The following MINDY1 variants were observed in gnomAD, a reference collection of about 807,000 sequenced individuals.
The protein encoded by MINDY1 is MINDY lysine 48 deubiquitinase 1, also known as ubiquitin carboxyl-terminal hydrolase MINDY-1.
MINDY1 carries 50 observed loss-of-function variants against 53.6 expected under a neutral mutation model. The observed-to-expected ratio is 0.93, with a 90% confidence interval of 0.74 to 1.18. MINDY1 has a LOEUF of 1.18. MINDY1 is among the 50% of genes most tolerant of loss of function. MINDY1 has a pLI of 0.00. For synonymous variants in MINDY1, 231 were observed against 234.7 expected, an observed-to-expected ratio of 0.98 and a Z score of 0.14; for missense variants, 484 against 578.6, an observed-to-expected ratio of 0.84 and a Z score of 1.68.
chr1:151,000,326 C>T, intron 5 of MINDY1, 131 bp downstream of exon 5: 1 of 915,610 alleles, frequency 1.1e-6, no homozygotes, highest in Non-Finnish European at 1.6e-6. Flanking sequence ...TGTACTGGGT[C>T]CAGTCTCTAA....
intron 1 of MINDY1, 182 bp downstream of exon 1, chr1:151,006,129 AT>A (rs1673171980): frequency 6.4e-7 from 1 of 1,551,658 alleles, no homozygotes; most frequent in African/African-American, 1.4e-5. Flanking sequence ...TCGTGCTTTC[AT>A]TAAAAGGAGG....
At chr1:151,000,397 T>C in intron 5 of MINDY1, 60 bp downstream of exon 5, 1 of 1,515,570 alleles carries the variant, frequency 6.6e-7, no homozygotes, top group Non-Finnish European at 8.8e-7. Flanking sequence ...CCGACAAAAA[T>C]TTGCCTCTCT....
chr1:151,002,586 G>A lies in MINDY1; in HGVS notation c.32C>T (p.Pro11Leu), dbSNP rs1235401675. MEYHQPEDPA[P>L]GKAGTAEAVI... Reference sequence around the variant, plus strand: ...TGCTTCTGCAGTCCCGGCCTTACCAGGGGCTGGATCCTCAGGCTGATGGTA... The same window carrying A: ...TGCTTCTGCAGTCCCGGCCTTACCAAGGGCTGGATCCTCAGGCTGATGGTA... The change falls in exon 2 of 10, where the codon CCT (proline) becomes CTT (leucine). Residue 11 changes from proline (P) to leucine (L), a missense_variant. Coordinates refer to ENST00000683666, the MANE Select transcript of MINDY1 (RefSeq NM_001376665.1). The surrounding 1 kb of genome is among the most constrained non-coding windows in gnomAD (Gnocchi z 4.1). 6.2e-7 allele frequency: 1 copy of A among 1,614,230 alleles called. No homozygotes were observed. The highest frequency in any genetic ancestry group is 1.1e-5 in the South Asian group (1 of 91,082).
intron 4 of MINDY1, 96 bp from the exon 5 acceptor site, chr1:151,000,711 T>C (rs1377098108): frequency 3.7e-6 from 5 of 1,347,780 alleles, no homozygotes; most frequent in African/African-American, 1.5e-5. Context: ...GCTGCTCTTC[T>C]TCCCTGATTC....
At chr1:151,000,252 AT>A (rs1672391416) in intron 5 of MINDY1, among the ~76,000 whole-genome samples, 1 of 152,062 alleles carries the variant, frequency 6.6e-6, no homozygotes, top group African/African-American at 2.4e-5. Flanking sequence ...GAACTGACCT[AT>A]TTGCATGTAG....
At chr1:150,998,729 T>A (rs2102828175) in intron 7 of MINDY1, among the ~76,000 whole-genome samples, 1 of 152,278 alleles carries the variant, frequency 6.6e-6, no homozygotes, top group South Asian at 2.1e-4. Context: ...GTATGTCCAG[T>A]TGGGTGTGAG....
At chr1:151,001,153 G>C in intron 4 of MINDY1, 97 bp downstream of exon 4, 1 of 1,267,942 alleles carries the variant, frequency 7.9e-7, no homozygotes, top group Non-Finnish European at 1.1e-6. Context: ...CATGGTTCAA[G>C]GAAACCTCTG....
Position 150,997,103 on chromosome 1 carries a change from G to T in MINDY1, c.*184C>A. On this transcript the variant is annotated 3_prime_UTR_variant, in exon 10 of 10. Coordinates refer to ENST00000683666, the MANE Select transcript of MINDY1 (RefSeq NM_001376665.1). ...AGTGTTGCCCTGGATGGGAGGCAGA[G>T]AAGGCAGCAGCACGTGAGGTCAAGG... 1.6e-6 allele frequency: 1 copy of T among 642,918 alleles called. No homozygotes were observed. The highest frequency in any genetic ancestry group is 2.8e-5 in the East Asian group (1 of 36,254). The allele number at this position is 642,918 out of a possible 1,614,324, so 39.8% of individuals were successfully genotyped here. A position where few individuals can be genotyped will look rare whatever the true frequency, so the allele number is the denominator to read the frequency against.
At chr1:150,998,646 G>A (rs1371873112) in intron 7 of MINDY1, among the ~76,000 whole-genome samples, 3 of 152,152 alleles carry the variant, frequency 2.0e-5, no homozygotes, top group South Asian at 4.1e-4. Context: ...ATGAGCCACC[G>A]CACCCGGACC....
Position 151,002,910 on chromosome 1 carries a change from G to T in MINDY1, c.-89-204C>A. ...CCAGATGAGACCAAGAGGTCGTGGGGCTTCCAGACTTGGGAGGGAAGACTG... is the reference window on the plus strand; with the variant it reads ...CCAGATGAGACCAAGAGGTCGTGGGTCTTCCAGACTTGGGAGGGAAGACTG... On this transcript the variant is annotated intron_variant, in intron 1 of 9. Coordinates refer to ENST00000683666, the MANE Select transcript of MINDY1 (RefSeq NM_001376665.1). The surrounding 1 kb of genome is among the most constrained non-coding windows in gnomAD (Gnocchi z 4.1). 3 of 1,370,688 alleles carry T rather than the reference G, an allele frequency of 2.2e-6. No individual in the cohort carries two copies. Among genetic ancestry groups the T allele is most frequent in the Non-Finnish European group, 1.9e-6 (2 of 1,063,272 alleles). 84.9% of individuals were successfully genotyped at this position (1,370,688 alleles called of 1,614,324 possible).
chr1:151,000,468 C>G lies in MINDY1; in HGVS notation c.724G>C (p.Val242Leu). 6.2e-7 allele frequency: 1 copy of G among 1,604,142 alleles called. No homozygotes were observed. The highest frequency in any genetic ancestry group is 8.5e-7 in the Non-Finnish European group (1 of 1,175,542). ...LGIPLYHGWL[V>L]DPQSPEAVRA... ...CCTCCCACCCTCACCTGTGGATCAA[C>G]AAGCCAGCCATGGTACAGAGGTATG... is the stretch of plus-strand genomic sequence containing the variant. Residue 242 changes from valine (V) to leucine (L), a missense_variant, in exon 5 of 10, where the codon GTT (valine) becomes CTT (leucine). Val to Leu is a conservative substitution (Grantham distance 32). Transcript: ENST00000683666.
chr1:151,000,300 A>G (rs587647573), intron 5 of MINDY1, among the ~76,000 whole-genome samples, 157 bp downstream of exon 5: 1 of 152,308 alleles, frequency 6.6e-6, no homozygotes, highest in African/African-American at 2.4e-5. Context: ...AAAATAGATT[A>G]AAATTCAAGG....
At chr1:150,998,632 A>T (rs201537261) in intron 7 of MINDY1, among the ~76,000 whole-genome samples, 2 of 152,190 alleles carry the variant, frequency 1.3e-5, no homozygotes, top group East Asian at 3.8e-4. Context: ...CTGGGATTAC[A>T]GGCATGAGCC....
At position 150,997,119 on chromosome 1, in the gene MINDY1, G is replaced by T; in HGVS notation, c.*168C>A. 1 of 682,018 alleles carries T rather than the reference G, an allele frequency of 1.5e-6. No individual in the cohort carries two copies. Among genetic ancestry groups the T allele is most frequent in the Non-Finnish European group, 2.5e-6 (1 of 397,572 alleles). The allele number at this position is 682,018 out of a possible 1,614,324, so 42.2% of individuals were successfully genotyped here. A position where few individuals can be genotyped will look rare whatever the true frequency, so the allele number is the denominator to read the frequency against. ...GGAGGCAGAGAAGGCAGCAGCACGT[G>T]AGGTCAAGGACATTACCAAGTCTGA... On this transcript the variant is annotated 3_prime_UTR_variant, in exon 10 of 10. Coordinates refer to ENST00000683666, the MANE Select transcript of MINDY1 (RefSeq NM_001376665.1).
upstream of MINDY1, chr1:151,008,340 T>TC: frequency 7.6e-7 from 1 of 1,316,070 alleles, no homozygotes; most frequent in Admixed American, 3.3e-5. Context: ...GTTTCCCACG[T>TC]CGCCCCACGC....
chr1:150,998,275 T>C lies in MINDY1; in HGVS notation c.982-2A>G, dbSNP rs889270017. 5 of 1,609,046 alleles carry C rather than the reference T, an allele frequency of 3.1e-6. No individual in the cohort carries two copies. The African/African-American group carries it at 6.7e-5, about 22-fold the overall frequency. On this transcript the variant is annotated splice_acceptor_variant, in intron 7 of 9. Coordinates refer to ENST00000683666, the MANE Select transcript of MINDY1 (RefSeq NM_001376665.1). LOFTEE classifies it high-confidence loss of function. ...AGTGACCAGTAGGTATAAGTGACTCTACAAAGAAAAGAACAGAGCTCATTG... is the reference window on the plus strand; with the variant it reads ...AGTGACCAGTAGGTATAAGTGACTCCACAAAGAAAAGAACAGAGCTCATTG...
At chr1:151,008,379 G>T, upstream of MINDY1, 1 of 1,227,482 alleles carries the variant, frequency 8.1e-7, no homozygotes, top group Non-Finnish European at 1.1e-6. Flanking sequence ...CCGGAAAGAC[G>T]TCCCAGGAGC....
In MINDY1 at chr1:150,997,641, G is replaced by A. The variant is rs760596095; in HGVS notation, c.1312C>T (p.Arg438Trp). The A allele has an allele frequency of 2.7e-5, 44 of 1,609,718 alleles. No homozygotes were observed. The highest frequency in any genetic ancestry group is 8.0e-5 in the African/African-American group (6 of 74,946). ...CAGCCCACCTGCAGTGACAGGACCC[G>A]CGTCCGCATCCGCACTGGCTGCGCT... ...QAAQPVRMRT[R>W]VLSLQGRGAT... The change falls in exon 9 of 10, where the codon CGG (arginine) becomes TGG (tryptophan). Residue 438 changes from arginine (R) to tryptophan (W), a missense_variant. Physicochemically the swap from Arg to Trp is moderately radical, Grantham distance 101 (BLOSUM62 -3). Transcript: ENST00000683666.
rs528686852 is a variant in MINDY1, at chr1:150,997,311, G to A, written c.1386C>T (p.His462=). 113 of 1,597,938 alleles carry A rather than the reference G, an allele frequency of 7.1e-5. 1 individual carries two copies. In the African/African-American group the frequency reaches 1.2e-3, roughly 16 times the overall value. The change falls in exon 10 of 10, where the codon CAC becomes CAT. Residue 462 remains histidine, a synonymous_variant. Coordinates refer to ENST00000683666, the MANE Select transcript of MINDY1 (RefSeq NM_001376665.1). ...GCTACAGCAGAATGCAGTCTGACTCGTGCTTCGGCCTCTGCCGACGCTCCC... is the reference window on the plus strand; with the variant it reads ...GCTACAGCAGAATGCAGTCTGACTCATGCTTCGGCCTCTGCCGACGCTCCC... ...PAGERRQRPK[H]ESDCILL
Sources: gnomAD v4.1 joint callset for allele counts (sites outside exome capture counted in the v4.1 genomes callset) on GRCh38, gnomAD v4.1.1 for gene constraint, Gnocchi (gnomAD v3.1) non-coding constraint, MANE v1.5 for transcripts, NCBI Gene and HGNC (gene_info 2026-07-23, HGNC 2026-07-21) for gene names.